MACROD2: variants seen among roughly 807,000 people sequenced by gnomAD.
MACROD2 encodes ADP-ribose glycohydrolase MACROD2.
MACROD2 carries 36 observed loss-of-function variants against 70.4 expected under a neutral mutation model. The ratio of observed to expected loss-of-function variants is 0.51; its 90% CI spans 0.39 to 0.68. MACROD2 has a LOEUF of 0.68. Among genes scored for constraint, MACROD2 ranks in the 30% least tolerant of loss-of-function variants. The pLI is 0.00. For missense variants in MACROD2, 496 were observed against 538.4 expected, an observed-to-expected ratio of 0.92 and a Z score of 0.78; for synonymous variants, 172 against 178.8, an observed-to-expected ratio of 0.96 and a Z score of 0.30.
At chr20:14,649,062 GTCC>G (rs1343949423) in intron 4 of MACROD2, among the ~76,000 whole-genome samples, 1 of 152,136 alleles carries the variant, frequency 6.6e-6, no homozygotes, top group African/African-American at 2.4e-5. Flanking sequence ...AACTCCAGAG[GTCC>G]ACACTCCTTC....
chr20:15,972,061 A>C (rs1442865528), intron 13 of MACROD2, among the ~76,000 whole-genome samples: 1 of 152,214 alleles, frequency 6.6e-6, no homozygotes, highest in African/African-American at 2.4e-5. Context: ...AAGGAATTCA[A>C]AACACAGTGC....
intron 5 of MACROD2, among the ~76,000 whole-genome samples, chr20:14,948,231 G>A (rs1181492915): frequency 1.3e-5 from 2 of 152,100 alleles, no homozygotes; most frequent in Non-Finnish European, 2.9e-5. Flanking sequence ...GAGGGTTTTG[G>A]GTAAGCTAAG....
chr20:14,328,415 A>AT (rs2082773675), intron 3 of MACROD2, among the ~76,000 whole-genome samples: 1 of 152,098 alleles, frequency 6.6e-6, no homozygotes, highest in South Asian at 2.1e-4. Flanking sequence ...CAGTGCATTT[A>AT]TATTTCTTTG....
At chr20:15,184,294 G>T (rs560657060) in intron 5 of MACROD2, among the ~76,000 whole-genome samples, 5 of 152,196 alleles carry the variant, frequency 3.3e-5, no homozygotes, top group African/African-American at 1.2e-4. Flanking sequence ...CCTTCCCATG[G>T]ATTTGTAAAT....
intron 2 of MACROD2, among the ~76,000 whole-genome samples, chr20:14,018,466 C>G (rs1394711659): frequency 6.6e-6 from 1 of 152,110 alleles, no homozygotes; most frequent in Non-Finnish European, 1.5e-5. Flanking sequence ...TATGTTGTCT[C>G]TATCTCAATG....
intron 8 of MACROD2, among the ~76,000 whole-genome samples, chr20:15,848,183 C>G (rs1246713937): frequency 6.6e-6 from 1 of 152,134 alleles, no homozygotes; most frequent in African/African-American, 2.4e-5. Flanking sequence ...GTTGAAACAT[C>G]TGTATCAATC....
At chr20:15,659,029 A>T (rs1238876807) in intron 8 of MACROD2, among the ~76,000 whole-genome samples, 1 of 152,202 alleles carries the variant, frequency 6.6e-6, no homozygotes, top group Non-Finnish European at 1.5e-5. Flanking sequence ...TCCAAATTTG[A>T]TCTTAGGTAA....
At chr20:15,475,602 G>C (rs1016252195) in intron 7 of MACROD2, among the ~76,000 whole-genome samples, 1 of 152,200 alleles carries the variant, frequency 6.6e-6, no homozygotes. Context: ...TGCTGCAGCA[G>C]CCACACCCCG....
chr20:14,994,533 T>A (rs912656974), intron 5 of MACROD2, among the ~76,000 whole-genome samples: 2 of 152,056 alleles, frequency 1.3e-5, no homozygotes, highest in African/African-American at 4.8e-5. Context: ...CTGGAGAGGT[T>A]CACTTGAAGC....
intron 5 of MACROD2, among the ~76,000 whole-genome samples, chr20:14,772,313 T>C (rs777177832): frequency 9.7e-4 from 148 of 152,136 alleles, no homozygotes; most frequent in Non-Finnish European, 1.9e-3. Context: ...AGATAGTATA[T>C]GTGTATTAGT....
chr20:14,581,827 C>T (rs2123349142), intron 4 of MACROD2, among the ~76,000 whole-genome samples: 1 of 152,294 alleles, frequency 6.6e-6, no homozygotes, highest in Admixed American at 6.5e-5. Context: ...GGTGTGTTGG[C>T]TACTGCTCTT....
chr20:14,052,202 T>A (rs912181874), intron 2 of MACROD2, among the ~76,000 whole-genome samples: 4 of 152,132 alleles, frequency 2.6e-5, no homozygotes, highest in Middle Eastern at 3.2e-3. Context: ...TCTTTCTGTC[T>A]TTTTTCTTTT....
At chr20:15,100,882 C>G (rs2123193077) in intron 5 of MACROD2, among the ~76,000 whole-genome samples, 1 of 152,150 alleles carries the variant, frequency 6.6e-6, no homozygotes, top group East Asian at 1.9e-4. Context: ...AGGCCTCTAA[C>G]AGTGCTGTTT....
intron 3 of MACROD2, among the ~76,000 whole-genome samples, chr20:14,387,764 A>G (rs929953995): frequency 8.5e-5 from 13 of 152,150 alleles, no homozygotes; most frequent in Admixed American, 3.9e-4. Flanking sequence ...AATTCATTGA[A>G]ATTTGCCATG....
intron 8 of MACROD2, among the ~76,000 whole-genome samples, chr20:15,502,698 T>C (rs1279240253): frequency 1.3e-5 from 2 of 152,196 alleles, no homozygotes; most frequent in Non-Finnish European, 2.9e-5. Flanking sequence ...GCGTCAAGTT[T>C]GGGGTACACT....
At chr20:14,514,890 A>G (rs189069059) in intron 4 of MACROD2, among the ~76,000 whole-genome samples, 2 of 152,250 alleles carry the variant, frequency 1.3e-5, no homozygotes, top group East Asian at 3.9e-4. Flanking sequence ...CTTAGTGAAT[A>G]TGTCTGCTAA....
chr20:14,163,064 T>C (rs2055213575), intron 3 of MACROD2, among the ~76,000 whole-genome samples: 1 of 152,154 alleles, frequency 6.6e-6, no homozygotes, highest in African/African-American at 2.4e-5. Context: ...TTCATATGTT[T>C]TCATGAGGGT....
At chr20:15,759,734 C>T (rs1356871871) in intron 8 of MACROD2, among the ~76,000 whole-genome samples, 1 of 152,182 alleles carries the variant, frequency 6.6e-6, no homozygotes, top group Non-Finnish European at 1.5e-5. Flanking sequence ...CAATATTGCC[C>T]TCTGGCAGTG....
intron 8 of MACROD2, among the ~76,000 whole-genome samples, chr20:15,561,536 C>A (rs1389941604): frequency 6.6e-6 from 1 of 152,126 alleles, no homozygotes; most frequent in Non-Finnish European, 1.5e-5. Flanking sequence ...GTCTGTGCTA[C>A]CTAAAACCAG....
Sources: gnomAD v4.1 joint callset for allele counts (sites outside exome capture counted in the v4.1 genomes callset) on GRCh38, gnomAD v4.1.1 for gene constraint, MANE v1.5 for transcripts, NCBI Gene and HGNC (gene_info 2026-07-23, HGNC 2026-07-21) for gene names.